The following C19orf47 variants were observed in gnomAD, a reference collection of about 807,000 sequenced individuals.
C19orf47 encodes the protein uncharacterized protein C19orf47.
Under a neutral mutation model 32.3 loss-of-function variants are expected in C19orf47, and 18 were observed. That is an observed-to-expected ratio of 0.56 (90% confidence interval 0.39 to 0.83). C19orf47 has a LOEUF of 0.83. C19orf47 is among the 40% of genes least tolerant of loss of function. C19orf47 has a pLI of 0.00. For synonymous variants in C19orf47, 202 were observed against 211.1 expected (o/e 0.96, Z 0.37); for missense variants, 484 against 531.6 (o/e 0.91, Z 0.88).
downstream of C19orf47, among the ~76,000 whole-genome samples, chr19:40,318,138 C>T (rs1047924669): frequency 2.6e-5 from 4 of 152,024 alleles, no homozygotes; most frequent in African/African-American, 4.8e-5. Flanking sequence ...AATCCCAGCA[C>T]TTTGGGAGGC....
At chr19:40,303,254 T>G in the C19orf47 span, among the ~76,000 whole-genome samples, 3 of 148,622 alleles carry the variant, frequency 2.0e-5, no homozygotes, top group Non-Finnish European at 4.4e-5. Flanking sequence ...CCAGGCGCAG[T>G]AGCTCACACC....
the C19orf47 span, among the ~76,000 whole-genome samples, chr19:40,304,031 T>C: frequency 6.6e-6 from 1 of 152,236 alleles, no homozygotes; most frequent in South Asian, 2.1e-4. Flanking sequence ...TAAATACCTG[T>C]TTGCTTGTGC....
At chr19:40,340,032 A>G (rs1378585648) in intron 2 of C19orf47, among the ~76,000 whole-genome samples, 2 of 151,930 alleles carry the variant, frequency 1.3e-5, no homozygotes, top group Admixed American at 6.6e-5. Context: ...ATATGTTCAC[A>G]GAATGATTTA....
rs564214904 is a variant in C19orf47 at position 40,338,368 on chromosome 19, C to CAT, written c.20-1963_20-1962dup. Among the ~76,000 whole-genome samples, 605 of 146,114 alleles carry CAT rather than the reference C, an allele frequency of 4.1e-3. 2 individuals carry two copies. Among genetic ancestry groups the CAT allele is most frequent in the African/African-American group, 5.0e-3 (199 of 39,676 alleles). On this transcript the variant is annotated intron_variant, in intron 2 of 8. Transcript: ENST00000683109. ...ATATATACACACACACACACAAATA[C>CAT]ATATATATATATACACATATATATA...
chr19:40,326,266 G>C lies in C19orf47; in HGVS notation c.592+68C>G, dbSNP rs1395075659. The stretch of plus-strand genomic sequence containing the variant: ...TCAGCCACCGTCTGTAGGATATGAC[G>C]GGCCCTGTGTGATGCAGAGGGAGGG... On this transcript the variant is annotated intron_variant, in intron 7 of 8. Transcript: ENST00000683109. The C allele has an allele frequency of 1.3e-5, 20 of 1,582,280 alleles. No homozygotes were observed. In the South Asian group the frequency reaches 2.1e-4, roughly 16 times the overall value.
At position 40,327,109 on chromosome 19, in the gene C19orf47, G is replaced by T. The variant is rs537688087; in HGVS notation, c.440-623C>A. 1.7e-3 allele frequency among the ~76,000 whole-genome samples: 255 copies of T among 150,664 alleles called. 3 individuals carry two copies. The highest frequency in any genetic ancestry group is 0.01 in the South Asian group (49 of 4,778). ...GCTCACTACAACCTCTGCCTCCTAG[G>T]TTCAATCGATTCTCCTGCCTCAGCC... On this transcript the variant is annotated intron_variant, in intron 6 of 8. Coordinates refer to ENST00000683109, the MANE Select transcript of C19orf47 (RefSeq NM_001256441.2).
the C19orf47 span, among the ~76,000 whole-genome samples, chr19:40,307,739 T>G: frequency 6.6e-6 from 1 of 152,010 alleles, no homozygotes; most frequent in East Asian, 1.9e-4. Context: ...ACTCATTTAA[T>G]CCCCAAAACC....
chr19:40,322,922 GAGA>G (rs1254408764), intron 8 of C19orf47, among the ~76,000 whole-genome samples: 1 of 152,332 alleles, frequency 6.6e-6, no homozygotes, highest in South Asian at 2.1e-4. Flanking sequence ...ATTCTAGACG[GAGA>G]AGGACAGCTG....
the C19orf47 span, among the ~76,000 whole-genome samples, chr19:40,298,652 C>T: frequency 0.21 from 32,433 of 152,014 alleles, 4,252 homozygotes; most frequent in African/African-American, 0.36. Flanking sequence ...TCCTAGGTTT[C>T]GCTGTAGAGT....
In C19orf47 at chr19:40,330,575, C is replaced by G. The variant is rs183674247; in HGVS notation, c.302-2025G>C. On this transcript the variant is annotated intron_variant, in intron 5 of 8. Transcript: ENST00000683109. ...TTTTTTTTTTTTTTTGAGACAGGGT[C>G]CCACTCTGTTGCCCACGATGATGGA... Among the ~76,000 whole-genome samples the G allele has an allele frequency of 2.8e-4, 24 of 86,322 alleles. 1 individual carries two copies. In the East Asian group the frequency reaches 9.6e-3, roughly 35 times the overall value. 56.6% of individuals were successfully genotyped at this position (86,322 alleles called of 152,430 possible).
the C19orf47 span, among the ~76,000 whole-genome samples, chr19:40,310,357 C>A: frequency 6.6e-6 from 1 of 152,200 alleles, no homozygotes; most frequent in Non-Finnish European, 1.5e-5. Context: ...GGCTGGAGTG[C>A]AGTGGCATGA....
At chr19:40,316,587 A>G (rs923542918), downstream of C19orf47, among the ~76,000 whole-genome samples, 2 of 151,726 alleles carry the variant, frequency 1.3e-5, no homozygotes, top group Admixed American at 1.3e-4. Flanking sequence ...CCCTGACCCA[A>G]CTCCTCCAGC....
chr19:40,308,658 T>C, the C19orf47 span, among the ~76,000 whole-genome samples: 1 of 150,584 alleles, frequency 6.6e-6, no homozygotes, highest in East Asian at 2.0e-4. Context: ...AAGACAAGTT[T>C]TCGCCATGTT....
chr19:40,347,133 A>G (rs1232222796), intron 1 of C19orf47, among the ~76,000 whole-genome samples: 4 of 152,150 alleles, frequency 2.6e-5, no homozygotes, highest in Non-Finnish European at 4.4e-5. Context: ...CTTTTCAATT[A>G]TCTTTCCATT....
At chr19:40,307,805 CTTTT>C in the C19orf47 span, among the ~76,000 whole-genome samples, 1 of 144,876 alleles carries the variant, frequency 6.9e-6, no homozygotes, top group African/African-American at 2.5e-5. Context: ...GGTTTTGTGG[CTTTT>C]TTTTTTTGAG....
the C19orf47 span, among the ~76,000 whole-genome samples, chr19:40,298,705 T>A: frequency 6.6e-6 from 1 of 152,168 alleles, no homozygotes; most frequent in Non-Finnish European, 1.5e-5. Flanking sequence ...ATAACTACTA[T>A]AAGTGACTCT....
chr19:40,317,715 C>CTGTTTTTTTTT (rs145823942), downstream of C19orf47, among the ~76,000 whole-genome samples: 18,865 of 147,174 alleles, frequency 0.13, 2,186 homozygotes, highest in African/African-American at 0.3. Flanking sequence ...TCCAAATCCA[C>CTGTTTTTTTTT]TGTTTTTTTT....
At position 40,343,073 on chromosome 19, in the gene C19orf47, G is replaced by A. The variant is rs140990023; in HGVS notation, c.-33-1183C>T. Among the ~76,000 whole-genome samples the A allele has an allele frequency of 2.6e-3, 397 of 152,242 alleles. 1 individual carries two copies. The highest frequency in any genetic ancestry group is 8.6e-3 in the African/African-American group (356 of 41,534). The stretch of plus-strand genomic sequence containing the variant: ...TAACTTTTTCATGTGCTGATTCAAC[G>A]CTATGCGACTCCAGGATCATGGGGC... On this transcript the variant is annotated intron_variant, in intron 1 of 8. Coordinates refer to ENST00000683109, the MANE Select transcript of C19orf47 (RefSeq NM_001256441.2).
intron 2 of C19orf47, among the ~76,000 whole-genome samples, chr19:40,341,345 CATATATAAT>C (rs1219255417): frequency 3.3e-5 from 5 of 151,658 alleles, no homozygotes; most frequent in South Asian, 2.1e-4. Flanking sequence ...AACAAACATA[CATATATAAT>C]ATATATAATA....
Sources: allele counts gnomAD v4.1 joint callset (sites outside exome capture counted in the v4.1 genomes callset), GRCh38; gene constraint gnomAD v4.1.1; transcripts MANE v1.5; gene names NCBI Gene and HGNC (gene_info 2026-07-23, HGNC 2026-07-21).